DDR2: variants seen among roughly 807,000 people sequenced by gnomAD.
The protein encoded by DDR2 is discoidin domain-containing receptor 2.
A neutral mutation model predicts 94.9 loss-of-function variants in DDR2; 27 were observed. The ratio of observed to expected loss-of-function variants is 0.28; its 90% CI spans 0.21 to 0.39. The LOEUF (loss-of-function observed/expected upper bound fraction) is 0.39. DDR2 is among the 10% of genes least tolerant of loss of function. DDR2 has a pLI of 1.00. For missense variants in DDR2, 783 were observed against 1,076.0 expected (o/e 0.73, Z 3.81); for synonymous variants, 382 against 377.2 (o/e 1.01, Z -0.15).
chr1:162,709,924 C>A (rs1329715484), intron 2 of DDR2, among the ~76,000 whole-genome samples: 1 of 152,140 alleles, frequency 6.6e-6, no homozygotes, highest in Non-Finnish European at 1.5e-5. Context: ...AATGCTCTGC[C>A]TTCAGTTTGC....
chr1:162,673,279 A>G (rs956834498), intron 2 of DDR2, among the ~76,000 whole-genome samples: 1 of 152,150 alleles, frequency 6.6e-6, no homozygotes, highest in Non-Finnish European at 1.5e-5. Flanking sequence ...GGGTATGGGA[A>G]CATCACCCTC....
chr1:162,674,533 G>A (rs1659036355), intron 2 of DDR2, among the ~76,000 whole-genome samples: 1 of 152,166 alleles, frequency 6.6e-6, no homozygotes, highest in Non-Finnish European at 1.5e-5. Flanking sequence ...TACAGAGCAG[G>A]ATTAACCTGC....
At chr1:162,778,493 G>T (rs2102205158) in intron 16 of DDR2, 87 bp from the exon 17 acceptor site, 1 of 1,528,964 alleles carries the variant, frequency 6.5e-7, no homozygotes. Context: ...GGTGGGGGAA[G>T]GGGTATAGCT....
At chr1:162,720,101 A>T (rs1450999470) in intron 3 of DDR2, among the ~76,000 whole-genome samples, 1 of 152,168 alleles carries the variant, frequency 6.6e-6, no homozygotes. Context: ...AGCACAAAAA[A>T]TTAGATGGTA....
At chr1:162,697,100 G>T (rs1660229364) in intron 2 of DDR2, among the ~76,000 whole-genome samples, 1 of 152,116 alleles carries the variant, frequency 6.6e-6, no homozygotes, top group Admixed American at 6.5e-5. Flanking sequence ...TCTTACTGGG[G>T]AGAGCTCAGT....
chr1:162,749,500 TGCG>T (rs1663066201), intron 3 of DDR2, among the ~76,000 whole-genome samples: 1 of 152,118 alleles, frequency 6.6e-6, no homozygotes, highest in African/African-American at 2.4e-5. Context: ...GCTCTGAAAT[TGCG>T]GCAATAATTA....
chr1:162,692,300 AG>A (rs1296408881), intron 2 of DDR2, among the ~76,000 whole-genome samples: 1 of 152,236 alleles, frequency 6.6e-6, no homozygotes, highest in Non-Finnish European at 1.5e-5. Flanking sequence ...ACTGACAGAA[AG>A]GGAAAGATTG....
intron 3 of DDR2, among the ~76,000 whole-genome samples, chr1:162,720,810 G>T (rs1424867447): frequency 6.6e-6 from 1 of 152,108 alleles, no homozygotes; most frequent in African/African-American, 2.4e-5. Context: ...TGATTCTTGA[G>T]GGTGCTTTAA....
chr1:162,757,473 C>A (rs542815013), intron 7 of DDR2, among the ~76,000 whole-genome samples: 22 of 152,158 alleles, frequency 1.4e-4, no homozygotes, highest in African/African-American at 5.3e-4. Context: ...TAACCACGGG[C>A]CATATTTATG....
intron 3 of DDR2, among the ~76,000 whole-genome samples, chr1:162,751,740 A>G (rs1300633904): frequency 6.6e-6 from 1 of 152,250 alleles, no homozygotes. Flanking sequence ...AAGACTTGGA[A>G]TCAACCCAAA....
chr1:162,725,528 G>T (rs1403788362), intron 3 of DDR2, among the ~76,000 whole-genome samples: 2 of 152,122 alleles, frequency 1.3e-5, no homozygotes, highest in African/African-American at 4.8e-5. Flanking sequence ...ACAGGCATGC[G>T]CCACCACACC....
At chr1:162,700,678 A>T (rs1269565640) in intron 2 of DDR2, among the ~76,000 whole-genome samples, 3 of 152,156 alleles carry the variant, frequency 2.0e-5, no homozygotes, top group Non-Finnish European at 4.4e-5. Flanking sequence ...ATTGTAACCA[A>T]AATTTTGGAA....
At chr1:162,648,057 CTT>C (rs34938100) in intron 1 of DDR2, among the ~76,000 whole-genome samples, 597 of 142,374 alleles carry the variant, frequency 4.2e-3, no homozygotes, top group Non-Finnish European at 5.4e-3. Context: ...AGGTTTTTTC[CTT>C]TTTTTTTTTT....
At chr1:162,724,053 C>T (rs552017334) in intron 3 of DDR2, among the ~76,000 whole-genome samples, 1 of 152,276 alleles carries the variant, frequency 6.6e-6, no homozygotes, top group South Asian at 2.1e-4. Flanking sequence ...GAATTCTAGA[C>T]TGTTCATGTT....
In DDR2 at chr1:162,770,390, C is replaced by G. The variant is rs140710321; in HGVS notation, c.1382C>G (p.Ser461Ter). 8 of 1,614,018 alleles carry G rather than the reference C, an allele frequency of 5.0e-6. No individual in the cohort carries two copies. In the Admixed American group the frequency reaches 1.0e-4, roughly 20 times the overall value. Residue 461 changes from serine to a stop codon, truncating the protein, a stop_gained, in exon 12 of 18, where the codon TCA (serine) becomes TGA (stop). Transcript: ENST00000367921. LOFTEE classifies it high-confidence loss of function. ...ATGTTCAACAATAACCGCTCCTCAT[C>G]ACCTAGTGAACAAGGGTCCAACTCG... The part of the protein sequence containing the change: ...SSMFNNNRSS[S>*]PSEQGSNSTY...
At chr1:162,679,152 A>T (rs919622172) in intron 2 of DDR2, among the ~76,000 whole-genome samples, 2 of 151,284 alleles carry the variant, frequency 1.3e-5, no homozygotes, top group African/African-American at 2.5e-5. Flanking sequence ...GGTAATAAGC[A>T]CAGTACCCAA....
At chr1:162,646,371 T>C (rs941431009) in intron 1 of DDR2, among the ~76,000 whole-genome samples, 7 of 152,160 alleles carry the variant, frequency 4.6e-5, no homozygotes, top group Non-Finnish European at 8.8e-5. Context: ...AAAATGACAA[T>C]TGTGAGGACT....
intron 3 of DDR2, among the ~76,000 whole-genome samples, chr1:162,725,012 A>T (rs181361450): frequency 2.6e-5 from 4 of 152,278 alleles, no homozygotes; most frequent in African/African-American, 4.8e-5. Flanking sequence ...ACAGAAACTC[A>T]TCTGCCCCTT....
At chr1:162,758,329 TTTTAAA>T (rs1044427914) in intron 7 of DDR2, among the ~76,000 whole-genome samples, 1 of 152,204 alleles carries the variant, frequency 6.6e-6, no homozygotes, top group African/African-American at 2.4e-5. Flanking sequence ...AAAAGTTACT[TTTTAAA>T]TTTAAAACAA....
Sources: allele counts gnomAD v4.1 joint callset (sites outside exome capture counted in the v4.1 genomes callset), GRCh38; gene constraint gnomAD v4.1.1; transcripts MANE v1.5; gene names NCBI Gene and HGNC (gene_info 2026-07-23, HGNC 2026-07-21).